The following SNTG1 variants were observed in gnomAD, a reference collection of about 807,000 sequenced individuals.
SNTG1 encodes the protein syntrophin gamma 1.
SNTG1 carries 39 observed loss-of-function variants against 74.7 expected under a neutral mutation model. The ratio of observed to expected loss-of-function variants is 0.52; its 90% CI spans 0.40 to 0.68. SNTG1 has a LOEUF of 0.68. Among genes scored for constraint, SNTG1 ranks in the 30% least tolerant of loss-of-function variants. The pLI is 0.00. For synonymous variants in SNTG1, 254 were observed against 217.1 expected (o/e 1.17, Z -1.49); for missense variants, 685 against 609.5 (o/e 1.12, Z -1.30).
At chr8:49,986,923 G>A (rs1192430497) in intron 1 of SNTG1, among the ~76,000 whole-genome samples, 1 of 152,078 alleles carries the variant, frequency 6.6e-6, no homozygotes, top group Non-Finnish European at 1.5e-5. Context: ...AAATATCTGG[G>A]TATGGAGAAG....
intron 12 of SNTG1, among the ~76,000 whole-genome samples, chr8:50,569,453 C>T (rs1275088093): frequency 6.6e-6 from 1 of 151,142 alleles, no homozygotes; most frequent in Non-Finnish European, 1.5e-5. Context: ...ATCTGCTGTA[C>T]TACCACTTGC....
At chr8:50,754,498 T>C (rs539399966) in intron 18 of SNTG1, among the ~76,000 whole-genome samples, 2 of 152,000 alleles carry the variant, frequency 1.3e-5, no homozygotes, top group East Asian at 3.9e-4. Context: ...ATATCCTCTT[T>C]GTTGAGAAGA....
chr8:50,382,123 C>A (rs1332436838), intron 2 of SNTG1: 1 of 151,836 alleles, frequency 6.6e-6, no homozygotes, highest in Admixed American at 6.6e-5. Flanking sequence ...AAGGGTGGTT[C>A]TGACTTTCCC....
intron 4 of SNTG1, among the ~76,000 whole-genome samples, chr8:50,422,914 A>C (rs192269455): frequency 3.3e-5 from 5 of 152,272 alleles, no homozygotes; most frequent in African/African-American, 1.2e-4. Flanking sequence ...ATTACCATTT[A>C]AACTATAACC....
At chr8:50,036,716 T>C (rs562219973) in intron 1 of SNTG1, among the ~76,000 whole-genome samples, 1 of 152,338 alleles carries the variant, frequency 6.6e-6, no homozygotes, top group East Asian at 1.9e-4. Flanking sequence ...GTATATTTAT[T>C]TCTTATGCAT....
intron 8 of SNTG1, among the ~76,000 whole-genome samples, chr8:50,478,772 G>C (rs946319292): frequency 2.0e-5 from 3 of 152,062 alleles, no homozygotes; most frequent in Non-Finnish European, 4.4e-5. Flanking sequence ...AAGCAAATGG[G>C]TACATATGGT....
intron 1 of SNTG1, among the ~76,000 whole-genome samples, chr8:50,168,674 T>A (rs2082706413): frequency 6.6e-6 from 1 of 152,120 alleles, no homozygotes. Context: ...GTACACATGG[T>A]TTTTACTATA....
chr8:50,313,057 A>G (rs1393497166), intron 2 of SNTG1, among the ~76,000 whole-genome samples: 5 of 149,778 alleles, frequency 3.3e-5, no homozygotes, highest in African/African-American at 7.5e-5. Flanking sequence ...TAGAGCACAC[A>G]TGGGGAAAGG....
At chr8:50,442,405 A>G (rs989751872) in intron 5 of SNTG1, among the ~76,000 whole-genome samples, 3 of 152,002 alleles carry the variant, frequency 2.0e-5, no homozygotes, top group Admixed American at 6.6e-5. Flanking sequence ...GGAGACAGCC[A>G]TGCCTCCTTC....
At chr8:49,993,548 C>T (rs1563443585) in intron 1 of SNTG1, among the ~76,000 whole-genome samples, 1 of 152,072 alleles carries the variant, frequency 6.6e-6, no homozygotes, top group Non-Finnish European at 1.5e-5. Flanking sequence ...CTAATGCTCT[C>T]CTCTCCTTCC....
At chr8:50,641,914 A>G (rs990497507) in intron 13 of SNTG1, among the ~76,000 whole-genome samples, 1 of 152,216 alleles carries the variant, frequency 6.6e-6, no homozygotes, top group African/African-American at 2.4e-5. Flanking sequence ...TTTAAATATC[A>G]GTCTTAAACT....
intron 18 of SNTG1, among the ~76,000 whole-genome samples, chr8:50,759,533 C>G (rs776325400): frequency 3.5e-4 from 53 of 152,092 alleles, no homozygotes; most frequent in Non-Finnish European, 5.3e-4. Context: ...ATATGGCTAG[C>G]CAGTTTTCCC....
intron 15 of SNTG1, among the ~76,000 whole-genome samples, chr8:50,662,860 T>A (rs1175633376): frequency 6.6e-6 from 1 of 152,220 alleles, no homozygotes; most frequent in African/African-American, 2.4e-5. Context: ...ATTGGTTAAC[T>A]GATTTGTGAA....
At chr8:50,511,744 CT>C (rs1245423911) in intron 9 of SNTG1, among the ~76,000 whole-genome samples, 3 of 149,028 alleles carry the variant, frequency 2.0e-5, no homozygotes, top group Non-Finnish European at 4.5e-5. Context: ...CAACCTCTGC[CT>C]TTTTTTGTTT....
chr8:50,151,992 C>G (rs1469244481), intron 1 of SNTG1, among the ~76,000 whole-genome samples: 1 of 152,066 alleles, frequency 6.6e-6, no homozygotes, highest in Non-Finnish European at 1.5e-5. Flanking sequence ...ATTGATCTGT[C>G]TAATGTTGAC....
At chr8:50,402,031 A>G (rs966985701) in intron 3 of SNTG1, among the ~76,000 whole-genome samples, 179 bp from the exon 4 acceptor site, 4 of 152,082 alleles carry the variant, frequency 2.6e-5, no homozygotes, top group African/African-American at 9.7e-5. Context: ...TCTACTTGAG[A>G]TCATTCTCCT....
intron 1 of SNTG1, among the ~76,000 whole-genome samples, chr8:49,970,290 G>A (rs1316203691): frequency 2.0e-5 from 3 of 152,026 alleles, no homozygotes; most frequent in Non-Finnish European, 4.4e-5. Flanking sequence ...TGCCCACTGG[G>A]TAGTGCTGCA....
intron 16 of SNTG1, chr8:50,708,529 A>G (rs543372391): frequency 5.3e-6 from 1 of 190,344 alleles, no homozygotes. Context: ...GGTTGGCTAC[A>G]GTAAATAACA....
intron 2 of SNTG1, among the ~76,000 whole-genome samples, chr8:50,340,949 C>A (rs539327537): frequency 4.6e-5 from 7 of 151,964 alleles, no homozygotes; most frequent in Non-Finnish European, 7.4e-5. Context: ...TGTTCACACA[C>A]AAAAAAATTT....
Sources: allele counts gnomAD v4.1 joint callset (sites outside exome capture counted in the v4.1 genomes callset), GRCh38; gene constraint gnomAD v4.1.1; transcripts MANE v1.5; gene names NCBI Gene and HGNC (gene_info 2026-07-23, HGNC 2026-07-21).